TSGA10: variants seen among roughly 807,000 people sequenced by gnomAD.
The protein encoded by TSGA10 is testis specific 10, also known as testis-specific gene 10 protein.
In TSGA10, 43 loss-of-function variants were observed where a neutral mutation model predicts 96.6. That is an observed-to-expected ratio of 0.44 (90% confidence interval 0.35 to 0.57). The LOEUF (loss-of-function observed/expected upper bound fraction) is 0.57. TSGA10 is among the 20% of genes least tolerant of loss of function. The pLI, the probability that TSGA10 is intolerant of heterozygous loss-of-function variation, is 0.01. For synonymous variants in TSGA10, 229 were observed against 269.9 expected, an observed-to-expected ratio of 0.85 and a Z score of 1.48; for missense variants, 703 against 834.4, an observed-to-expected ratio of 0.84 and a Z score of 1.94.
At chr2:99,143,875 C>T (rs1299036310) in intron 1 of TSGA10, among the ~76,000 whole-genome samples, 1 of 152,120 alleles carries the variant, frequency 6.6e-6, no homozygotes, top group Non-Finnish European at 1.5e-5. Flanking sequence ...TCAAAAGCTT[C>T]ACTACAAAAA....
intron 20 of TSGA10, among the ~76,000 whole-genome samples, chr2:99,009,415 A>G (rs1467602166): frequency 2.0e-5 from 3 of 151,828 alleles, no homozygotes; most frequent in Admixed American, 6.6e-5. Flanking sequence ...TACTAAAAAT[A>G]CAAAAAATTA....
At chr2:99,143,368 C>G (rs892446284) in intron 1 of TSGA10, among the ~76,000 whole-genome samples, 11 of 151,612 alleles carry the variant, frequency 7.3e-5, no homozygotes, top group Non-Finnish European at 1.6e-4. Flanking sequence ...ACTGTGTTAG[C>G]CAGGATGGTC....
chr2:99,069,659 A>AAATAAATAAATT (rs2085692315), intron 14 of TSGA10, among the ~76,000 whole-genome samples: 1 of 151,260 alleles, frequency 6.6e-6, no homozygotes. Flanking sequence ...ATAAATAAAT[A>AAATAAATAAATT]AATAATAATT....
intron 15 of TSGA10, 113 bp downstream of exon 15, chr2:99,068,775 T>C: frequency 2.2e-6 from 1 of 444,760 alleles, no homozygotes. Flanking sequence ...AACTAAAATA[T>C]ACTATGTATT....
intron 20 of TSGA10, among the ~76,000 whole-genome samples, chr2:99,008,017 T>C (rs1483204557): frequency 6.6e-6 from 1 of 152,324 alleles, no homozygotes; most frequent in South Asian, 2.1e-4. Context: ...TGGAAAAAGA[T>C]AAAATTAGAT....
At chr2:99,146,430 T>C (rs1379224283) in intron 1 of TSGA10, among the ~76,000 whole-genome samples, 1 of 152,170 alleles carries the variant, frequency 6.6e-6, no homozygotes, top group African/African-American at 2.4e-5. Flanking sequence ...CAGTCTCTTA[T>C]CTATCTTTTT....
rs1328420317 is a variant in TSGA10 at position 99,018,580 on chromosome 2, A to G, written c.1878T>C (p.Asp626=). Residue 626 remains aspartate, a synonymous_variant, in exon 19 of 21, where the codon GAT becomes GAC. Transcript: ENST00000393483. ...FRNVVTQLEA[D]LDITKRQLGT... ...CTAGTTGTCTTTTGGTAATGTCTAA[A>G]TCAGCTTCCAATTGTGTGACAACAT... 4 of 1,613,928 alleles carry G rather than the reference A, an allele frequency of 2.5e-6. No homozygotes were observed. Among genetic ancestry groups the G allele is most frequent in the Non-Finnish European group, 3.4e-6 (4 of 1,179,990 alleles).
rs2077596600 is a variant in TSGA10 at position 98,998,110 on chromosome 2, A to G, written c.*87T>C. 5 of 1,118,626 alleles carry G rather than the reference A, an allele frequency of 4.5e-6. No individual in the cohort carries two copies. The highest frequency in any genetic ancestry group is 6.6e-6 in the Non-Finnish European group (5 of 760,284). 69.3% of individuals were successfully genotyped at this position (1,118,626 alleles called of 1,614,324 possible). A position where few individuals can be genotyped will look rare whatever the true frequency, so the allele number is the denominator to read the frequency against. Reference sequence around the variant, plus strand: ...TACATTTAACATTGCCAAGCATTTAAAAGATAAATGCACTCATGTAGCAAA... The same window carrying G: ...TACATTTAACATTGCCAAGCATTTAGAAGATAAATGCACTCATGTAGCAAA... On this transcript the variant is annotated 3_prime_UTR_variant, in exon 21 of 21. Transcript: ENST00000393483.
intron 12 of TSGA10, among the ~76,000 whole-genome samples, chr2:99,075,016 C>T (rs571565205): frequency 1.3e-5 from 2 of 151,920 alleles, no homozygotes; most frequent in South Asian, 4.2e-4. Flanking sequence ...CTAAAAAGGG[C>T]TTCACTTTAT....
intron 10 of TSGA10, among the ~76,000 whole-genome samples, chr2:99,083,387 T>A (rs549954552): frequency 6.6e-6 from 1 of 151,968 alleles, no homozygotes; most frequent in Admixed American, 6.5e-5. Context: ...AAAAATGGGA[T>A]TCTAAAAAAT....
chr2:99,136,883 T>G lies in TSGA10; in HGVS notation c.-620-9707A>C, dbSNP rs185757630. Among the ~76,000 whole-genome samples, 36 of 147,028 alleles carry G rather than the reference T, an allele frequency of 2.4e-4. 1 individual carries two copies. Among genetic ancestry groups the G allele is most frequent in the African/African-American group, 8.9e-4 (35 of 39,230 alleles). The stretch of plus-strand genomic sequence containing the variant: ...CTACTTCTTCAAAAAAGACTTAGGA[T>G]CTACTCTTCATTCCAAAAGAACTAT... On this transcript the variant is annotated intron_variant, in intron 1 of 20. Coordinates refer to ENST00000393483, the MANE Select transcript of TSGA10 (RefSeq NM_025244.4).
chr2:99,141,203 G>C, intron 1 of TSGA10: 4 of 1,159,138 alleles, frequency 3.5e-6, no homozygotes, highest in Non-Finnish European at 4.4e-6. Flanking sequence ...TCCATCCTCC[G>C]CCCCTTTCTC....
chr2:99,139,901 G>A (rs1161981646), intron 1 of TSGA10, among the ~76,000 whole-genome samples: 1 of 152,164 alleles, frequency 6.6e-6, no homozygotes, highest in Admixed American at 6.5e-5. Flanking sequence ...AAAGAAATAT[G>A]TAATCTGAAA....
intron 17 of TSGA10, among the ~76,000 whole-genome samples, chr2:99,028,245 T>C (rs1031139721): frequency 1.3e-5 from 2 of 152,238 alleles, no homozygotes; most frequent in African/African-American, 4.8e-5. Context: ...TAATCAACTG[T>C]GGGTTACCTT....
chr2:99,031,201 T>C (rs1573633193), intron 17 of TSGA10, among the ~76,000 whole-genome samples: 1 of 150,736 alleles, frequency 6.6e-6, no homozygotes, highest in East Asian at 1.9e-4. Flanking sequence ...CCCAATTGAT[T>C]TTTCACAAGG....
chr2:99,062,677 G>A (rs1304284121), intron 16 of TSGA10, among the ~76,000 whole-genome samples: 2 of 152,176 alleles, frequency 1.3e-5, no homozygotes, highest in African/African-American at 4.8e-5. Flanking sequence ...GGAGGCTGCG[G>A]TGAGCTATGA....
rs1283488719 is a variant in TSGA10, at chr2:99,013,401, C to T, written c.2072+4799G>A. Among the ~76,000 whole-genome samples, 4 of 152,132 alleles carry T rather than the reference C, an allele frequency of 2.6e-5. No individual in the cohort carries two copies. The South Asian group carries it at 6.2e-4, about 24-fold the overall frequency. On this transcript the variant is annotated intron_variant, in intron 20 of 20. Transcript: ENST00000393483. The stretch of plus-strand genomic sequence containing the variant: ...AGGCTGGAATGCTGTGGCGCAATCT[C>T]GGCTCACTGCAAGCTCCACCCCCTG...
At chr2:99,066,987 A>G (rs937011682) in intron 15 of TSGA10, among the ~76,000 whole-genome samples, 1 of 152,226 alleles carries the variant, frequency 6.6e-6, no homozygotes, top group Non-Finnish European at 1.5e-5. Context: ...TTTCCAAAAT[A>G]AACTTCCTAA....
chr2:99,141,561 A>T (rs1271390744), intron 1 of TSGA10: 1 of 153,090 alleles, frequency 6.5e-6, no homozygotes, highest in Non-Finnish European at 1.5e-5. Flanking sequence ...CGCGCCGCGC[A>T]GGCGCACGCC....
Sources: gnomAD v4.1 joint callset for allele counts (sites outside exome capture counted in the v4.1 genomes callset) on GRCh38, gnomAD v4.1.1 for gene constraint, MANE v1.5 for transcripts, NCBI Gene and HGNC (gene_info 2026-07-23, HGNC 2026-07-21) for gene names.